The following RBMS3 variants were observed in gnomAD, a reference collection of about 807,000 sequenced individuals.
The protein encoded by RBMS3 is RNA-binding motif, single-stranded-interacting protein 3.
RBMS3 carries 27 observed loss-of-function variants against 66.8 expected under a neutral mutation model. The observed-to-expected ratio is 0.40, with a 90% confidence interval of 0.30 to 0.56. The LOEUF is 0.56. RBMS3 is among the 20% of genes least tolerant of loss of function. The probability of loss-of-function intolerance (pLI) is 0.40; values close to 1 mark genes in which losing one functional copy is unlikely to be tolerated. For missense variants in RBMS3, 513 were observed against 549.5 expected (o/e 0.93, Z 0.66); for synonymous variants, 188 against 183.0 (o/e 1.03, Z -0.22).
intron 3 of RBMS3, among the ~76,000 whole-genome samples, chr3:29,564,059 AGAAAGAAAAGAAG>A (rs2046652356): frequency 6.8e-6 from 1 of 147,974 alleles, no homozygotes; most frequent in Non-Finnish European, 1.5e-5. Context: ...AAGGAAAGGT[AGAAAGAAAAGAAG>A]GAAAGAAAAT....
At chr3:29,968,753 C>G (rs746090984) in intron 12 of RBMS3, among the ~76,000 whole-genome samples, 1 of 152,216 alleles carries the variant, frequency 6.6e-6, no homozygotes, top group Non-Finnish European at 1.5e-5. Flanking sequence ...GTCTGTGGAT[C>G]CTCTCAGGAT....
At chr3:29,648,261 C>CTTTTTTTTTTTT (rs1576434694) in intron 4 of RBMS3, among the ~76,000 whole-genome samples, 1 of 88,142 alleles carries the variant, frequency 1.1e-5, no homozygotes, top group African/African-American at 4.9e-5. Context: ...TAGAAAATGT[C>CTTTTTTTTTTTT]TATTTTTTTT....
intron 1 of RBMS3, among the ~76,000 whole-genome samples, chr3:29,364,269 C>A (rs2037774894): frequency 1.3e-5 from 2 of 152,094 alleles, no homozygotes; most frequent in Admixed American, 6.6e-5. Flanking sequence ...TATTTATAAA[C>A]ATTTACAATT....
rs140263936 is a variant in RBMS3 at position 29,540,612 on chromosome 3, A to T, written c.308-46502A>T. On this transcript the variant is annotated intron_variant, in intron 3 of 14. Coordinates refer to ENST00000383767, the MANE Select transcript of RBMS3 (RefSeq NM_001003793.3). ...ACTATATTGATATAGTAACTCTCGAACACAGATTAAATTATAATCCTCCTC... is the reference window on the plus strand; with the variant it reads ...ACTATATTGATATAGTAACTCTCGATCACAGATTAAATTATAATCCTCCTC... Among the ~76,000 whole-genome samples, 13 of 152,338 alleles carry T rather than the reference A, an allele frequency of 8.5e-5. No individual in the cohort carries two copies. In the East Asian group the frequency reaches 9.6e-4, roughly 11 times the overall value.
rs191679494 is a variant in RBMS3 at position 29,748,719 on chromosome 3, C to G, written c.557+8842C>G. On this transcript the variant is annotated intron_variant, in intron 5 of 14. Coordinates refer to ENST00000383767, the MANE Select transcript of RBMS3 (RefSeq NM_001003793.3). The stretch of plus-strand genomic sequence containing the variant: ...ATTTTGCATACCTCACATAGCTCAG[C>G]CTGATCTGAGTTTTCTCATTTCCCT... 2.6e-5 allele frequency among the ~76,000 whole-genome samples: 4 copies of G among 152,218 alleles called. No individual in the cohort carries two copies. The East Asian group carries it at 7.7e-4, about 29-fold the overall frequency.
chr3:29,544,544 A>G (rs553716178), intron 3 of RBMS3, among the ~76,000 whole-genome samples: 1 of 152,170 alleles, frequency 6.6e-6, no homozygotes, highest in African/African-American at 2.4e-5. Flanking sequence ...TACCTGTCTC[A>G]GTGGTATTCT....
intron 1 of RBMS3, among the ~76,000 whole-genome samples, chr3:29,407,924 T>C (rs1422037396): frequency 6.6e-6 from 1 of 152,226 alleles, no homozygotes; most frequent in African/African-American, 2.4e-5. Flanking sequence ...TAAGAGACAT[T>C]ATGGAACTCA....
chr3:29,474,428 A>C (rs2042875188), intron 2 of RBMS3, among the ~76,000 whole-genome samples: 1 of 152,266 alleles, frequency 6.6e-6, no homozygotes, highest in Non-Finnish European at 1.5e-5. Context: ...ACTACAAGAA[A>C]AAAGAAACAC....
intron 4 of RBMS3, among the ~76,000 whole-genome samples, chr3:29,650,043 G>T (rs2050086059): frequency 6.6e-6 from 1 of 152,168 alleles, no homozygotes; most frequent in Non-Finnish European, 1.5e-5. Flanking sequence ...AAGTCAGGAA[G>T]ATCAACATTT....
At chr3:29,591,882 G>A (rs2047750468) in intron 4 of RBMS3, among the ~76,000 whole-genome samples, 1 of 152,102 alleles carries the variant, frequency 6.6e-6, no homozygotes, top group Admixed American at 6.6e-5. Context: ...TGCCATTACA[G>A]TTCCCAAAGG....
At chr3:29,528,419 T>C (rs2045221415) in intron 3 of RBMS3, among the ~76,000 whole-genome samples, 1 of 152,116 alleles carries the variant, frequency 6.6e-6, no homozygotes, top group South Asian at 2.1e-4. Flanking sequence ...GGCCCACAAA[T>C]GCAAGCAAGC....
intron 3 of RBMS3, among the ~76,000 whole-genome samples, chr3:29,561,336 CA>C (rs2149048660): frequency 6.6e-6 from 1 of 152,296 alleles, no homozygotes; most frequent in Admixed American, 6.5e-5. Context: ...GAGGAATTGT[CA>C]CACTGTCTTC....
chr3:29,913,976 A>G (rs916725336), intron 10 of RBMS3, among the ~76,000 whole-genome samples: 6 of 151,986 alleles, frequency 3.9e-5, no homozygotes, highest in African/African-American at 1.4e-4. Context: ...TATATTATAC[A>G]TGGCATGAAC....
intron 3 of RBMS3, among the ~76,000 whole-genome samples, chr3:29,512,360 A>C (rs2044446482): frequency 6.6e-6 from 1 of 152,152 alleles, no homozygotes; most frequent in Non-Finnish European, 1.5e-5. Flanking sequence ...GCAATGAACA[A>C]ATTTTGATTC....
intron 1 of RBMS3, among the ~76,000 whole-genome samples, chr3:29,342,183 G>T (rs2036316645): frequency 6.6e-6 from 1 of 152,080 alleles, no homozygotes; most frequent in South Asian, 2.1e-4. Context: ...AGAAGTGGAG[G>T]CTTCAGGTGT....
chr3:29,339,812 G>T (rs2036176297), intron 1 of RBMS3, among the ~76,000 whole-genome samples: 4 of 152,102 alleles, frequency 2.6e-5, no homozygotes, highest in African/African-American at 9.7e-5. Flanking sequence ...TAATAGAAAT[G>T]CCTTGAAAAG....
intron 3 of RBMS3, among the ~76,000 whole-genome samples, chr3:29,513,779 T>C (rs2044506700): frequency 6.6e-6 from 1 of 152,160 alleles, no homozygotes; most frequent in South Asian, 2.1e-4. Flanking sequence ...AAAAAAAATA[T>C]TGTTGGGCCA....
intron 2 of RBMS3, among the ~76,000 whole-genome samples, chr3:29,461,880 A>G (rs958831413): frequency 2.7e-5 from 4 of 147,748 alleles, no homozygotes; most frequent in South Asian, 2.1e-4. Flanking sequence ...CAGCCTCCCA[A>G]GTAGCTGGGA....
chr3:29,574,459 C>T (rs1482331385), intron 3 of RBMS3, among the ~76,000 whole-genome samples: 2 of 151,590 alleles, frequency 1.3e-5, no homozygotes, highest in South Asian at 2.1e-4. Flanking sequence ...GGTCTTTATA[C>T]GTGACGTGGG....
Sources: allele counts gnomAD v4.1 joint callset (sites outside exome capture counted in the v4.1 genomes callset), GRCh38; gene constraint gnomAD v4.1.1; transcripts MANE v1.5; gene names NCBI Gene and HGNC (gene_info 2026-07-23, HGNC 2026-07-21).